Variants in GBGT1 observed in about 807,000 individuals in gnomAD.
GBGT1 encodes globoside alpha-1,3-N-acetylgalactosaminyltransferase 1.
In GBGT1, 18 loss-of-function variants were observed where a neutral mutation model predicts 20.9. The ratio of observed to expected loss-of-function variants is 0.86; its 90% CI spans 0.60 to 1.28. GBGT1 has a LOEUF of 1.28. Ranked by LOEUF, GBGT1 falls within the 50% of genes most tolerant of loss-of-function variation. GBGT1 has a pLI of 0.00. For missense variants in GBGT1, 432 were observed against 455.7 expected (o/e 0.95, Z 0.47); for synonymous variants, 168 against 180.8 (o/e 0.93, Z 0.57).
chr9:133,153,235 G>A lies in GBGT1; in HGVS notation c.*342C>T. 8.6e-6 allele frequency: 2 copies of A among 231,702 alleles called. No homozygotes were observed. Among genetic ancestry groups the A allele is most frequent in the East Asian group, 8.7e-5 (1 of 11,544 alleles). The allele number at this position is 231,702 out of a possible 1,614,324, so 14.4% of individuals were successfully genotyped here. On this transcript the variant is annotated 3_prime_UTR_variant, in exon 7 of 7. Coordinates refer to ENST00000372040, the MANE Select transcript of GBGT1 (RefSeq NM_021996.6). Reference sequence around the variant, plus strand: ...GTTAAGGGCAATATGCAATAAACGGGGGACTGGCGCGGCAGGGTTCAGGCA... The same window carrying A: ...GTTAAGGGCAATATGCAATAAACGGAGGACTGGCGCGGCAGGGTTCAGGCA...
At position 133,156,659 on chromosome 9, in the gene GBGT1, C is replaced by CAAA. The variant is rs111747155; in HGVS notation, c.138-597_138-595dup. Among the ~76,000 whole-genome samples the CAAA allele has an allele frequency of 5.2e-3, 760 of 145,140 alleles. 7 individuals carry two copies. The highest frequency in any genetic ancestry group is 0.018 in the Middle Eastern group (5 of 284). On this transcript the variant is annotated intron_variant, in intron 3 of 6. Coordinates refer to ENST00000372040, the MANE Select transcript of GBGT1 (RefSeq NM_021996.6). ...TGTGTGACAGAGCAAGATTCCATCT[C>CAAA]AAAAAAAAAAAGGAAGAAAAGCTGC...
chr9:133,161,012 GAAAAA>G (rs10537325), intron 3 of GBGT1: 82,787 of 338,844 alleles, frequency 0.24, 11,036 homozygotes, highest in East Asian at 0.57. Flanking sequence ...TCTGACTCAA[GAAAAA>G]AAAAAAAAAG....
Position 133,155,136 on chromosome 9 carries a change from G to T in GBGT1, c.359+42C>A, listed in dbSNP as rs536778950. 2.5e-6 allele frequency: 4 copies of T among 1,581,432 alleles called. No homozygotes were observed. In the South Asian group the frequency reaches 4.4e-5, roughly 18 times the overall value. On this transcript the variant is annotated intron_variant, in intron 6 of 6. Coordinates refer to ENST00000372040, the MANE Select transcript of GBGT1 (RefSeq NM_021996.6). ...CTCTTCCCAACTATAAACTCCTGTG[G>T]CTCAGGGAGACCTCCCTCCCCTTCC...
At chr9:133,155,453 G>T in intron 5 of GBGT1, 141 bp from the exon 6 acceptor site, 1 of 942,588 alleles carries the variant, frequency 1.1e-6, no homozygotes, top group Non-Finnish European at 1.6e-6. Context: ...TGGAAAGTGG[G>T]GATAATGATA....
In GBGT1 at chr9:133,156,020, C is replaced by A. The variant is rs1832860075; in HGVS notation, c.183G>T (p.Val61=). Residue 61 remains valine (V), a synonymous_variant, in exon 4 of 7, where the codon GTG becomes GTT. Coordinates refer to ENST00000372040, the MANE Select transcript of GBGT1 (RefSeq NM_021996.6). Reference sequence around the variant, plus strand: ...GGAAATGCCAGTCTCCTTACCATACCACGGGCTGGAGTGGCTTCTCCCTCT... The same window carrying A: ...GGAAATGCCAGTCTCCTTACCATACAACGGGCTGGAGTGGCTTCTCCCTCT... ...HYKREKPLQP[V]VWSQYPQPKL... The A allele has an allele frequency of 6.2e-7, 1 of 1,613,958 alleles. No homozygotes were observed. The highest frequency in any genetic ancestry group is 1.1e-5 in the South Asian group (1 of 91,094).
chr9:133,156,838 T>C (rs1832884656), intron 3 of GBGT1, among the ~76,000 whole-genome samples: 1 of 152,162 alleles, frequency 6.6e-6, no homozygotes, highest in African/African-American at 2.4e-5. Flanking sequence ...TTTTAAAATT[T>C]TGTAGAGATG....
chr9:133,163,196 C>G (rs572422020), intron 1 of GBGT1: 1 of 152,354 alleles, frequency 6.6e-6, no homozygotes, highest in Non-Finnish European at 1.5e-5. Context: ...GCAGTCCCAG[C>G]GCAGGATGCG....
In GBGT1 at chr9:133,162,386, A is replaced by G. The variant is rs1833082270; in HGVS notation, c.27T>C (p.Gly9=). The G allele has an allele frequency of 6.2e-7, 1 of 1,610,506 alleles. No individual in the cohort carries two copies. The highest frequency in any genetic ancestry group is 8.5e-7 in the Non-Finnish European group (1 of 1,179,260). MHRRRLAL[G]LGFCLLAGTS... ...TGCCCGCCAACAGGCAGAACCCCAG[A>G]CCCAGGGCCAGTCTCCGGCGATGCA... Residue 9 remains glycine (G), a synonymous_variant, in exon 2 of 7, where the codon GGT becomes GGC. Coordinates refer to ENST00000372040, the MANE Select transcript of GBGT1 (RefSeq NM_021996.6).
rs747800086 is a variant in GBGT1, at chr9:133,155,860, C to T, written c.224+41G>A. 9.9e-6 allele frequency: 16 copies of T among 1,608,278 alleles called. No individual in the cohort carries two copies. In the Admixed American group the frequency reaches 1.5e-4, roughly 15 times the overall value. On this transcript the variant is annotated intron_variant, in intron 5 of 6. Transcript: ENST00000372040. ...ACCTTATAAATCAGAGCTCTTTTGT[C>T]CTTTTCCCCCGCCCCCATCAGGCCT... is the stretch of plus-strand genomic sequence containing the variant.
Position 133,156,036 on chromosome 9 carries a change from T to G in GBGT1, c.167A>C (p.Lys56Thr). The change falls in exon 4 of 7, where the codon AAG becomes ACG. Residue 56 changes from lysine to threonine, a missense_variant. Physicochemically the swap from Lys to Thr is moderately conservative, Grantham distance 78. Transcript: ENST00000372040. ...TTACCATACCACGGGCTGGAGTGGC[T>G]TCTCCCTCTTGTAGTGCAGCTTCAT... is the stretch of plus-strand genomic sequence containing the variant. ...FNMKLHYKRE[K>T]PLQPVVWSQY... The G allele has an allele frequency of 6.2e-7, 1 of 1,614,096 alleles. No individual in the cohort carries two copies. The highest frequency in any genetic ancestry group is 1.3e-5 in the African/African-American group (1 of 75,040).
intron 2 of GBGT1, 86 bp from the exon 3 acceptor site, chr9:133,161,618 C>A: frequency 1.1e-6 from 1 of 915,640 alleles, no homozygotes; most frequent in South Asian, 1.6e-5. Flanking sequence ...ATTGGGAGTG[C>A]AGGTCTCCCA....
rs1290709741 is a variant in GBGT1, at chr9:133,153,848, A to G, written c.773T>C (p.Phe258Ser). ...TAFVADSEGD[F>S]YYGGAVFGGQ... ...CCCGAAGACTGCCCCACCATAATAGAAGTCCCCTTCGCTGTCTGCCACAAA... is the reference window on the plus strand; with the variant it reads ...CCCGAAGACTGCCCCACCATAATAGGAGTCCCCTTCGCTGTCTGCCACAAA... Residue 258 changes from phenylalanine (F) to serine (S), a missense_variant, in exon 7 of 7, where the codon TTC becomes TCC. Phe to Ser is a radical substitution (Grantham distance 155). Transcript: ENST00000372040. 2 of 1,597,394 alleles carry G rather than the reference A, an allele frequency of 1.3e-6. No individual in the cohort carries two copies. The highest frequency in any genetic ancestry group is 3.4e-5 in the Admixed American group (2 of 59,134).
rs201557726 is a variant in GBGT1 at position 133,153,921 on chromosome 9, C to T, written c.700G>A (p.Val234Ile). ...VAAIHPSYYA[V>I]PRQQFPYERR... ...TCATAGGGGAACTGCTGGCGGGGAA[C>T]GGCGTAGTAGCTTGGGTGAATGGCA... Residue 234 changes from valine (V) to isoleucine (I), a missense_variant, in exon 7 of 7, where the codon GTT becomes ATT. Val to Ile is a conservative substitution (Grantham distance 29, BLOSUM62 3). Transcript: ENST00000372040. The T allele has an allele frequency of 6.2e-5, 100 of 1,606,112 alleles. 1 individual carries two copies. Among genetic ancestry groups the T allele is most frequent in the South Asian group, 2.8e-4 (25 of 90,880 alleles).
intron 3 of GBGT1, among the ~76,000 whole-genome samples, chr9:133,157,719 C>T (rs905578896): frequency 2.0e-5 from 3 of 152,244 alleles, no homozygotes; most frequent in African/African-American, 7.2e-5. Flanking sequence ...TCACCTCTGG[C>T]TCTGCCACTA....
In GBGT1 at chr9:133,153,833, G is replaced by T; in HGVS notation, c.788C>A (p.Ala263Glu). Residue 263 changes from alanine to glutamate, a missense_variant, in exon 7 of 7, where the codon GCA becomes GAA. Coordinates refer to ENST00000372040, the MANE Select transcript of GBGT1 (RefSeq NM_021996.6). Reference sequence around the variant, plus strand: ...CCTGGCCACCTGCCCCCCGAAGACTGCCCCACCATAATAGAAGTCCCCTTC... The same window carrying T: ...CCTGGCCACCTGCCCCCCGAAGACTTCCCCACCATAATAGAAGTCCCCTTC... The part of the protein sequence containing the change: ...DSEGDFYYGG[A>E]VFGGQVARVY... The T allele has an allele frequency of 6.3e-7, 1 of 1,593,498 alleles. No individual in the cohort carries two copies. The highest frequency in any genetic ancestry group is 8.6e-7 in the Non-Finnish European group (1 of 1,167,020).
Position 133,154,490 on chromosome 9 carries a change from G to A in GBGT1, c.360-229C>T. On this transcript the variant is annotated intron_variant, in intron 6 of 6. Coordinates refer to ENST00000372040, the MANE Select transcript of GBGT1 (RefSeq NM_021996.6). The surrounding 1 kb of genome is among the most constrained non-coding windows in gnomAD (Gnocchi z 4.2). ...TAGAGATTCTTATGCTCCTAGGCCA[G>A]GTGAACTTTTACTGAGCAATTTCTA... 1 of 401,608 alleles carries A rather than the reference G, an allele frequency of 2.5e-6. No individual in the cohort carries two copies. The highest frequency in any genetic ancestry group is 4.4e-6 in the Non-Finnish European group (1 of 226,198). The allele number at this position is 401,608 out of a possible 1,614,324, so 24.9% of individuals were successfully genotyped here.
At chr9:133,162,581 A>G in intron 1 of GBGT1, 49 bp from the exon 2 acceptor site, 1 of 637,052 alleles carries the variant, frequency 1.6e-6, no homozygotes, top group Non-Finnish European at 2.9e-6. Flanking sequence ...CACTCTTGTC[A>G]ACTGGGCTGG....
rs1833130848 is a variant in GBGT1, at chr9:133,163,774, T to G, written c.-141A>C. The G allele has an allele frequency of 6.6e-6, 1 of 152,312 alleles. No individual in the cohort carries two copies. The highest frequency in any genetic ancestry group is 6.5e-5 in the Admixed American group (1 of 15,280). 9.4% of individuals were successfully genotyped at this position (152,312 alleles called of 1,614,324 possible). A position where few individuals can be genotyped will look rare whatever the true frequency, so the allele number is the denominator to read the frequency against. On this transcript the variant is annotated 5_prime_UTR_variant, in exon 1 of 7. Coordinates refer to ENST00000372040, the MANE Select transcript of GBGT1 (RefSeq NM_021996.6). Reference sequence around the variant, plus strand: ...CTTACTCCTTGCTGCCGGCCCGGCGTTAGGACGGTTGGAGGGGCGCCACCC... The same window carrying G: ...CTTACTCCTTGCTGCCGGCCCGGCGGTAGGACGGTTGGAGGGGCGCCACCC...
In GBGT1 at chr9:133,154,171, G is replaced by A. The variant is rs773068893; in HGVS notation, c.450C>T (p.Asn150=). ...YRVHYYIFTD[N]PAAVPGVPLG... ...GCGGGACCCCGGGAACGGCTGCAGG[G>A]TTGTCAGTGAAGATGTAGTAGTGCA... The change falls in exon 7 of 7, where the codon AAC becomes AAT. Residue 150 remains asparagine, a synonymous_variant. Coordinates refer to ENST00000372040, the MANE Select transcript of GBGT1 (RefSeq NM_021996.6). The surrounding 1 kb of genome is among the most constrained non-coding windows in gnomAD (Gnocchi z 4.2). The A allele has an allele frequency of 2.5e-6, 4 of 1,592,898 alleles. No individual in the cohort carries two copies. The highest frequency in any genetic ancestry group is 3.4e-6 in the Non-Finnish European group (4 of 1,164,832).
Sources: allele counts gnomAD v4.1 joint callset (sites outside exome capture counted in the v4.1 genomes callset), GRCh38; gene constraint gnomAD v4.1.1; non-coding constraint Gnocchi (gnomAD v3.1); transcripts MANE v1.5; gene names NCBI Gene and HGNC (gene_info 2026-07-23, HGNC 2026-07-21).